GABRG3: variants seen among roughly 807,000 people sequenced by gnomAD.
GABRG3 encodes the protein gamma-aminobutyric acid receptor subunit gamma-3.
A neutral mutation model predicts 48.8 loss-of-function variants in GABRG3; 25 were observed. The ratio of observed to expected loss-of-function variants is 0.51; its 90% CI spans 0.37 to 0.72. The LOEUF (loss-of-function observed/expected upper bound fraction) is 0.72, where lower values mean the gene tolerates loss of function less well. Ranked by LOEUF, GABRG3 falls within the 30% of genes least tolerant of loss-of-function variation. The pLI, the probability that GABRG3 is intolerant of heterozygous loss-of-function variation, is 0.00. For synonymous variants in GABRG3, 227 were observed against 217.6 expected (o/e 1.04, Z -0.38); for missense variants, 394 against 577.9 (o/e 0.68, Z 3.26).
At chr15:27,486,645 G>T (rs1057490129) in intron 6 of GABRG3, among the ~76,000 whole-genome samples, 5 of 152,128 alleles carry the variant, frequency 3.3e-5, no homozygotes, top group African/African-American at 1.2e-4. Context: ...CCTCCTATGT[G>T]ACCTTGGGCA....
chr15:27,435,069 G>C (rs544239003), intron 5 of GABRG3, among the ~76,000 whole-genome samples: 104 of 152,056 alleles, frequency 6.8e-4, no homozygotes, highest in South Asian at 1.0e-3. Context: ...CTCTTCCCTT[G>C]AATATGCAGG....
chr15:27,469,696 C>A (rs1315747627), intron 5 of GABRG3, among the ~76,000 whole-genome samples: 4 of 152,112 alleles, frequency 2.6e-5, no homozygotes, highest in Admixed American at 2.6e-4. Context: ...AGAAACTAGG[C>A]CATTTTGCCC....
At chr15:27,131,826 A>G (rs1409222952) in intron 3 of GABRG3, among the ~76,000 whole-genome samples, 1 of 151,914 alleles carries the variant, frequency 6.6e-6, no homozygotes, top group Non-Finnish European at 1.5e-5. Context: ...CTTTTTGATA[A>G]TTGGGGTAAG....
intron 1 of GABRG3, among the ~76,000 whole-genome samples, chr15:26,972,867 C>A (rs765594756): frequency 6.6e-6 from 1 of 152,182 alleles, no homozygotes; most frequent in Non-Finnish European, 1.5e-5. Flanking sequence ...GAAGCCGACT[C>A]CACCGGTGAC....
intron 5 of GABRG3, among the ~76,000 whole-genome samples, chr15:27,355,788 T>C (rs1018006836): frequency 6.6e-5 from 10 of 152,140 alleles, no homozygotes; most frequent in African/African-American, 2.4e-4. Context: ...TTCTTCAGCC[T>C]TAAAATGGAA....
chr15:27,340,955 G>T, intron 5 of GABRG3: 1 of 501,810 alleles, frequency 2.0e-6, no homozygotes, highest in South Asian at 1.5e-5. Flanking sequence ...ATTCAATGAT[G>T]CATGCTTTTG....
At chr15:27,239,570 ATATT>A (rs950901778) in intron 3 of GABRG3, among the ~76,000 whole-genome samples, 8 of 152,184 alleles carry the variant, frequency 5.3e-5, no homozygotes, top group Admixed American at 2.0e-4. Flanking sequence ...CTAATTTTAA[ATATT>A]TATTTTTCTA....
chr15:27,256,385 G>T (rs1457839186), intron 3 of GABRG3, among the ~76,000 whole-genome samples: 3 of 150,682 alleles, frequency 2.0e-5, no homozygotes, highest in African/African-American at 2.4e-5. Context: ...TGCTTGCAGT[G>T]AGCCGAGATG....
chr15:27,195,445 C>T (rs1343807212), intron 3 of GABRG3, among the ~76,000 whole-genome samples: 1 of 152,086 alleles, frequency 6.6e-6, no homozygotes, highest in Non-Finnish European at 1.5e-5. Context: ...GATTCTCCTG[C>T]CTCAGCCTCC....
intron 2 of GABRG3, among the ~76,000 whole-genome samples, chr15:26,991,573 C>A (rs944196781): frequency 2.0e-5 from 3 of 151,996 alleles, no homozygotes; most frequent in Non-Finnish European, 4.4e-5. Context: ...AATATCTTTC[C>A]ATTTTTTGAT....
intron 2 of GABRG3, among the ~76,000 whole-genome samples, chr15:26,987,597 C>G (rs574940808): frequency 6.6e-6 from 1 of 152,142 alleles, no homozygotes; most frequent in Non-Finnish European, 1.5e-5. Context: ...CCTGGCATTA[C>G]GTCAGAACCG....
At chr15:27,133,464 G>A (rs1257937879) in intron 3 of GABRG3, among the ~76,000 whole-genome samples, 1 of 152,144 alleles carries the variant, frequency 6.6e-6, no homozygotes, top group Non-Finnish European at 1.5e-5. Context: ...TGCCCAAGGC[G>A]CTGGTGAGGC....
chr15:26,983,932 C>T (rs1595455174), intron 2 of GABRG3, among the ~76,000 whole-genome samples: 1 of 152,006 alleles, frequency 6.6e-6, no homozygotes, highest in Non-Finnish European at 1.5e-5. Flanking sequence ...TCTTCTGGAC[C>T]CTTGATTTTG....
At chr15:27,350,281 C>A in intron 5 of GABRG3, 1 of 430,922 alleles carries the variant, frequency 2.3e-6, no homozygotes, top group Non-Finnish European at 4.7e-6. Flanking sequence ...TCCATGGGGC[C>A]CACAGAGCTG....
At chr15:27,490,149 T>A (rs1306962304) in intron 6 of GABRG3, among the ~76,000 whole-genome samples, 1 of 152,220 alleles carries the variant, frequency 6.6e-6, no homozygotes, top group African/African-American at 2.4e-5. Context: ...AGTTTTGCCA[T>A]ATGGATACAA....
rs749314966 is a variant in GABRG3, at chr15:27,297,073, T to C, written c.271-29736T>C. Reference sequence around the variant, plus strand: ...TGTGTCTTAGTTTTTAACAAACAAGTTTAAAAGGTAAAAAAGATTTAAAAA... The same window carrying C: ...TGTGTCTTAGTTTTTAACAAACAAGCTTAAAAGGTAAAAAAGATTTAAAAA... On this transcript the variant is annotated intron_variant, in intron 3 of 9. Coordinates refer to ENST00000615808, the MANE Select transcript of GABRG3 (RefSeq NM_033223.5). Among the ~76,000 whole-genome samples, 11 of 152,044 alleles carry C rather than the reference T, an allele frequency of 7.2e-5. 1 individual carries two copies. Among genetic ancestry groups the C allele is most frequent in the South Asian group, 4.1e-4 (2 of 4,824 alleles).
chr15:27,156,318 AAAAG>A (rs1566949608), intron 3 of GABRG3, among the ~76,000 whole-genome samples: 1 of 146,330 alleles, frequency 6.8e-6, no homozygotes, highest in African/African-American at 2.6e-5. Flanking sequence ...AAAAAAAAAA[AAAAG>A]AAAGAAATAG....
At chr15:27,145,038 G>T (rs1487233491) in intron 3 of GABRG3, among the ~76,000 whole-genome samples, 3 of 152,130 alleles carry the variant, frequency 2.0e-5, no homozygotes, top group African/African-American at 7.2e-5. Context: ...GGAGAAAAAG[G>T]AATTTGATAT....
intron 3 of GABRG3, among the ~76,000 whole-genome samples, chr15:27,119,751 C>T (rs934025105): frequency 6.6e-6 from 1 of 152,192 alleles, no homozygotes; most frequent in Non-Finnish European, 1.5e-5. Flanking sequence ...CATCTGGAGG[C>T]TTATCACAGC....
Sources: allele counts gnomAD v4.1 joint callset (sites outside exome capture counted in the v4.1 genomes callset), GRCh38; gene constraint gnomAD v4.1.1; transcripts MANE v1.5; gene names NCBI Gene and HGNC (gene_info 2026-07-23, HGNC 2026-07-21).